Variants in RSU1 observed in about 807,000 individuals in gnomAD.
RSU1 encodes the protein Ras suppressor protein 1.
In RSU1, 26 loss-of-function variants were observed where a neutral mutation model predicts 31.1. The ratio of observed to expected loss-of-function variants is 0.84; its 90% CI spans 0.61 to 1.16. RSU1 has a LOEUF of 1.16. RSU1 is among the 50% of genes most tolerant of loss of function. The probability of loss-of-function intolerance (pLI) is 0.00; values close to 1 mark genes in which losing one functional copy is unlikely to be tolerated. For missense variants in RSU1, 320 were observed against 339.1 expected (o/e 0.94, Z 0.44); for synonymous variants, 164 against 136.3 (o/e 1.20, Z -1.41).
At position 16,684,127 on chromosome 10, in the gene RSU1, A is replaced by C. The variant is rs147690252; in HGVS notation, c.731+10896T>G. Among the ~76,000 whole-genome samples, 278 of 152,348 alleles carry C rather than the reference A, an allele frequency of 1.8e-3. 1 individual carries two copies. In the Middle Eastern group the frequency reaches 0.024, roughly 13 times the overall value. The stretch of plus-strand genomic sequence containing the variant: ...AGGATTGGGAGGGTGGTGAAAGAAA[A>C]AGATCTAGCTATGCTAGCAGAGATT... On this transcript the variant is annotated intron_variant, in intron 8 of 8. Transcript: ENST00000345264.
chr10:16,747,924 C>T (rs1302624238), intron 7 of RSU1, among the ~76,000 whole-genome samples: 3 of 152,112 alleles, frequency 2.0e-5, no homozygotes, highest in Non-Finnish European at 2.9e-5. Context: ...GTCCCAGCTA[C>T]TTGGGAGGCT....
At chr10:16,724,407 G>A (rs923953967) in intron 7 of RSU1, among the ~76,000 whole-genome samples, 3 of 152,214 alleles carry the variant, frequency 2.0e-5, no homozygotes, top group Non-Finnish European at 4.4e-5. Flanking sequence ...TGAATACAGG[G>A]AAACTGGACC....
intron 7 of RSU1, among the ~76,000 whole-genome samples, chr10:16,712,866 T>C (rs1198021923): frequency 6.6e-6 from 1 of 152,158 alleles, no homozygotes; most frequent in Non-Finnish European, 1.5e-5. Context: ...CCCTTAAGCA[T>C]TCCTTATAAG....
chr10:16,787,064 T>C (rs1021802250), intron 2 of RSU1, among the ~76,000 whole-genome samples: 3 of 152,090 alleles, frequency 2.0e-5, no homozygotes, highest in Non-Finnish European at 4.4e-5. Context: ...AGACAGTGCT[T>C]GATGTTTCTG....
chr10:16,784,643 G>A (rs894946164), intron 2 of RSU1, among the ~76,000 whole-genome samples: 3 of 152,212 alleles, frequency 2.0e-5, no homozygotes, highest in Non-Finnish European at 4.4e-5. Flanking sequence ...TGGCTGGGAA[G>A]CCTCACAATC....
At chr10:16,610,552 G>C (rs1377910542) in intron 8 of RSU1, among the ~76,000 whole-genome samples, 2 of 152,122 alleles carry the variant, frequency 1.3e-5, no homozygotes, top group African/African-American at 4.8e-5. Flanking sequence ...AGAGATCTAG[G>C]TTGCACGCTC....
intron 7 of RSU1, among the ~76,000 whole-genome samples, chr10:16,699,394 T>C (rs1835741556): frequency 6.6e-6 from 1 of 152,132 alleles, no homozygotes; most frequent in Non-Finnish European, 1.5e-5. Flanking sequence ...AGCTGGCCAT[T>C]ATATTGTGTG....
intron 7 of RSU1, among the ~76,000 whole-genome samples, chr10:16,725,474 C>T (rs559549016): frequency 2.6e-5 from 4 of 152,270 alleles, no homozygotes; most frequent in African/African-American, 9.6e-5. Flanking sequence ...CAAGTTCAAA[C>T]TTAATTATCA....
chr10:16,813,560 A>T (rs1838458041), intron 2 of RSU1, among the ~76,000 whole-genome samples: 2 of 152,248 alleles, frequency 1.3e-5, no homozygotes, highest in African/African-American at 4.8e-5. Context: ...ATTTAACGCA[A>T]ACCATTAAAC....
intron 8 of RSU1, among the ~76,000 whole-genome samples, chr10:16,684,516 T>C (rs1335550753): frequency 6.6e-6 from 1 of 152,010 alleles, no homozygotes; most frequent in Non-Finnish European, 1.5e-5. Context: ...CCTTGTGAAA[T>C]GGGGAGCTTT....
chr10:16,815,965 G>C (rs1393025008), intron 2 of RSU1, among the ~76,000 whole-genome samples: 1 of 152,198 alleles, frequency 6.6e-6, no homozygotes, highest in Non-Finnish European at 1.5e-5. Flanking sequence ...TGCATGGAAG[G>C]GTAAGGTTGT....
At chr10:16,686,858 T>G (rs1009111871) in intron 8 of RSU1, among the ~76,000 whole-genome samples, 3 of 77,720 alleles carry the variant, frequency 3.9e-5, no homozygotes, top group Non-Finnish European at 1.1e-4. Flanking sequence ...CAGCTGTAGT[T>G]TTTTTCCCCT....
At chr10:16,800,409 T>C (rs898737230) in intron 2 of RSU1, among the ~76,000 whole-genome samples, 26 of 152,222 alleles carry the variant, frequency 1.7e-4, no homozygotes, top group African/African-American at 3.4e-4. Flanking sequence ...TGAAAGGAAA[T>C]GCTAGAGTTC....
At chr10:16,646,016 ATATGTGTATATATATG>A (rs1834559412) in intron 8 of RSU1, among the ~76,000 whole-genome samples, 1 of 85,220 alleles carries the variant, frequency 1.2e-5, no homozygotes. Flanking sequence ...GTATATACAT[ATATGTGTATATATATG>A]TGTATATACA....
chr10:16,637,370 G>A (rs1046207238), intron 8 of RSU1, among the ~76,000 whole-genome samples: 1 of 152,146 alleles, frequency 6.6e-6, no homozygotes, highest in African/African-American at 2.4e-5. Context: ...CCTGTGCAGC[G>A]GGGAATCTGC....
intron 8 of RSU1, among the ~76,000 whole-genome samples, chr10:16,603,600 C>G (rs948478290): frequency 2.6e-5 from 4 of 152,174 alleles, no homozygotes; most frequent in African/African-American, 9.7e-5. Context: ...TGCTTCCCTG[C>G]TTAAGCATTT....
At chr10:16,737,155 G>T (rs80047472) in intron 7 of RSU1, among the ~76,000 whole-genome samples, 1 of 150,794 alleles carries the variant, frequency 6.6e-6, no homozygotes, top group African/African-American at 2.4e-5. Flanking sequence ...AGAGAGATGG[G>T]AAATCAATCA....
At chr10:16,628,472 C>A (rs1037432471) in intron 8 of RSU1, among the ~76,000 whole-genome samples, 2 of 148,504 alleles carry the variant, frequency 1.3e-5, no homozygotes, top group Non-Finnish European at 3.0e-5. Context: ...ACATCACTGA[C>A]CACATCATTT....
intron 8 of RSU1, among the ~76,000 whole-genome samples, chr10:16,683,277 AG>A (rs1399632455): frequency 1.3e-5 from 2 of 152,076 alleles, no homozygotes; most frequent in Admixed American, 1.3e-4. Context: ...TAGAGGCTAC[AG>A]ATGAAGAGAG....
Sources: gnomAD v4.1 joint callset for allele counts (sites outside exome capture counted in the v4.1 genomes callset) on GRCh38, gnomAD v4.1.1 for gene constraint, MANE v1.5 for transcripts, NCBI Gene and HGNC (gene_info 2026-07-23, HGNC 2026-07-21) for gene names.